SHTN1: variants seen among roughly 807,000 people sequenced by gnomAD.
The protein encoded by SHTN1 is shootin 1.
SHTN1 carries 42 observed loss-of-function variants against 83.1 expected under a neutral mutation model. The observed-to-expected ratio is 0.51, with a 90% CI of 0.39 to 0.65. The LOEUF (loss-of-function observed/expected upper bound fraction) is 0.65. SHTN1 is among the 30% of genes least tolerant of loss of function. SHTN1 has a pLI of 0.00. For missense variants in SHTN1, 622 were observed against 737.8 expected (o/e 0.84, Z 1.82); for synonymous variants, 224 against 247.7 (o/e 0.90, Z 0.90).
At chr10:117,077,654 G>A (rs565063506) in intron 1 of SHTN1, among the ~76,000 whole-genome samples, 13 of 151,896 alleles carry the variant, frequency 8.6e-5, no homozygotes, top group Non-Finnish European at 1.6e-4. Flanking sequence ...ACAGGCCCCA[G>A]TGTGTGATGT....
At chr10:116,901,175 G>T (rs1216734014) in intron 16 of SHTN1, 81 of 985,260 alleles carry the variant, frequency 8.2e-5, no homozygotes, top group Non-Finnish European at 9.4e-5. Flanking sequence ...AGCTGCCATT[G>T]TTATAAAACA....
chr10:116,968,853 C>A, intron 2 of SHTN1, 141 bp from the exon 3 acceptor site: 1 of 653,304 alleles, frequency 1.5e-6, no homozygotes, highest in South Asian at 1.9e-5. Context: ...CATCAATGGT[C>A]ATATATGAAC....
At position 116,886,067 on chromosome 10, in the gene SHTN1, T is replaced by G. The variant is rs569698155; in HGVS notation, c.*277A>C. Reference sequence around the variant, plus strand: ...AAAGGTATCAACATCTGAATTTTTTTGTAACCTTCTAAAAGAAGTCATACT... The same window carrying G: ...AAAGGTATCAACATCTGAATTTTTTGGTAACCTTCTAAAAGAAGTCATACT... On this transcript the variant is annotated 3_prime_UTR_variant, in exon 17 of 17. Transcript: ENST00000355371. 1.1e-4 allele frequency: 47 copies of G among 416,958 alleles called. No homozygotes were observed. The highest frequency in any genetic ancestry group is 1.2e-4 in the Non-Finnish European group (29 of 236,836). The allele number at this position is 416,958 out of a possible 1,614,324, so 25.8% of individuals were successfully genotyped here.
intron 2 of SHTN1, among the ~76,000 whole-genome samples, chr10:116,969,769 T>G (rs1850537695): frequency 6.6e-6 from 1 of 152,172 alleles, no homozygotes; most frequent in Non-Finnish European, 1.5e-5. Context: ...AATGAATTTT[T>G]TTAAAAAACC....
At chr10:117,079,183 C>T (rs34913575) in intron 1 of SHTN1, among the ~76,000 whole-genome samples, 1 of 137,814 alleles carries the variant, frequency 7.3e-6, no homozygotes, top group Non-Finnish European at 1.6e-5. Context: ...TATCCCTCCC[C>T]CCCTCCCCCG....
chr10:117,048,676 C>T lies in SHTN1; in HGVS notation c.-188-166G>A, dbSNP rs115298735. ...CCGCCCACATTGAACTTCTGTAGTGCTTCTTTGTTATAATTCAGGTGTGAC... is the reference window on the plus strand; with the variant it reads ...CCGCCCACATTGAACTTCTGTAGTGTTTCTTTGTTATAATTCAGGTGTGAC... On this transcript the variant is annotated intron_variant, in intron 1 of 17. Coordinates refer to the SHTN1 transcript ENST00000392901. Among the ~76,000 whole-genome samples, 966 of 152,298 alleles carry T rather than the reference C, an allele frequency of 6.3e-3. 12 individuals carry two copies. The highest frequency in any genetic ancestry group is 0.022 in the African/African-American group (934 of 41,574).
intron 1 of SHTN1, among the ~76,000 whole-genome samples, chr10:116,986,384 C>T (rs940878806): frequency 1.3e-5 from 2 of 152,106 alleles, no homozygotes; most frequent in African/African-American, 4.8e-5. Context: ...CCTTGGGAAC[C>T]GGTACCTGGT....
rs1298197330 is a variant in SHTN1, at chr10:116,904,972, C to T, written c.1480+1655G>A. 4.6e-5 allele frequency among the ~76,000 whole-genome samples: 7 copies of T among 151,546 alleles called. No individual in the cohort carries two copies. The East Asian group carries it at 1.4e-3, about 29-fold the overall frequency. ...ATCCCAGCACTTTGGGAGGCCGAGG[C>T]GGGTGGATCATGAGGTCAGGAGATC... On this transcript the variant is annotated intron_variant, in intron 15 of 16. Coordinates refer to ENST00000355371, the MANE Select transcript of SHTN1 (RefSeq NM_001127211.3).
chr10:117,060,763 G>C (rs924992516), intron 1 of SHTN1, among the ~76,000 whole-genome samples: 9 of 152,176 alleles, frequency 5.9e-5, no homozygotes, highest in African/African-American at 1.7e-4. Flanking sequence ...CTTGAAGTTG[G>C]TTTCATAGCC....
In SHTN1 at chr10:116,924,690, A is replaced by C. The variant is rs1451711851; in HGVS notation, c.1112+3102T>G. On this transcript the variant is annotated intron_variant, in intron 11 of 16. Coordinates refer to ENST00000355371, the MANE Select transcript of SHTN1 (RefSeq NM_001127211.3). Reference sequence around the variant, plus strand: ...CACTGTCATTTCAATTGAATGAATAAAATTTCAGGCATGTGTCATCCCAAG... The same window carrying C: ...CACTGTCATTTCAATTGAATGAATACAATTTCAGGCATGTGTCATCCCAAG... Among the ~76,000 whole-genome samples, 3 of 151,910 alleles carry C rather than the reference A, an allele frequency of 2.0e-5. No individual in the cohort carries two copies. In the East Asian group the frequency reaches 5.8e-4, roughly 29 times the overall value.
chr10:117,051,501 G>A (rs1225246967), intron 1 of SHTN1, among the ~76,000 whole-genome samples: 2 of 152,034 alleles, frequency 1.3e-5, no homozygotes, highest in Non-Finnish European at 2.9e-5. Context: ...GAACACAGAA[G>A]CAAAAATCCT....
chr10:116,896,549 G>A lies in SHTN1; in HGVS notation c.1673+5216C>T, dbSNP rs565104240. ...AAAAATACATACATCTGCAATGGTG[G>A]CGAACTGATAGCTATGTCCAAAAAT... On this transcript the variant is annotated intron_variant, in intron 16 of 16. Transcript: ENST00000355371. 2.0e-5 allele frequency among the ~76,000 whole-genome samples: 3 copies of A among 152,228 alleles called. No homozygotes were observed. The South Asian group carries it at 6.2e-4, about 32-fold the overall frequency.
At chr10:116,902,839 CTTGGGTGTCTA>C (rs1316314631) in intron 15 of SHTN1, among the ~76,000 whole-genome samples, 1 of 152,200 alleles carries the variant, frequency 6.6e-6, no homozygotes, top group Non-Finnish European at 1.5e-5. Context: ...TTGGGTGTCT[CTTGGGTGTCTA>C]TCCCTAACAA....
intron 2 of SHTN1, among the ~76,000 whole-genome samples, chr10:117,013,922 A>G (rs982137153): frequency 1.2e-4 from 19 of 152,160 alleles, no homozygotes; most frequent in African/African-American, 2.4e-4. Context: ...GTGTGTGTGT[A>G]TATATATATT....
intron 2 of SHTN1, among the ~76,000 whole-genome samples, chr10:117,011,612 C>A (rs1398864779): frequency 1.3e-5 from 2 of 152,190 alleles, no homozygotes; most frequent in African/African-American, 4.8e-5. Flanking sequence ...AGATGCTCAA[C>A]ATCATTAGTC....
intron 2 of SHTN1, among the ~76,000 whole-genome samples, chr10:116,971,701 GCTT>G (rs1343716971): frequency 6.6e-6 from 1 of 152,146 alleles, no homozygotes; most frequent in African/African-American, 2.4e-5. Context: ...TATATCTGGT[GCTT>G]TACTTTCAAA....
chr10:116,892,376 A>G (rs1165574968), intron 16 of SHTN1, among the ~76,000 whole-genome samples: 2 of 152,244 alleles, frequency 1.3e-5, no homozygotes, highest in African/African-American at 4.8e-5. Context: ...AAAGATTCTG[A>G]AATGTGGGTG....
chr10:116,952,926 G>C (rs1274389366), intron 5 of SHTN1, among the ~76,000 whole-genome samples: 3 of 152,120 alleles, frequency 2.0e-5, no homozygotes, highest in Non-Finnish European at 4.4e-5. Context: ...CCAGAAAGAA[G>C]AACATGAAAC....
intron 1 of SHTN1, among the ~76,000 whole-genome samples, chr10:116,981,216 G>C (rs772163234): frequency 2.6e-5 from 4 of 152,190 alleles, no homozygotes; most frequent in Non-Finnish European, 5.9e-5. Context: ...ATACTTGGGA[G>C]GCTGAGGCAG....
Sources: gnomAD v4.1 joint callset for allele counts (sites outside exome capture counted in the v4.1 genomes callset) on GRCh38, gnomAD v4.1.1 for gene constraint, MANE v1.5 for transcripts, NCBI Gene and HGNC (gene_info 2026-07-23, HGNC 2026-07-21) for gene names.